Variants in NUAK1 observed in about 807,000 individuals in gnomAD.
NUAK1 encodes the protein NUAK family SNF1-like kinase 1.
In NUAK1, 26 loss-of-function variants were observed where a neutral mutation model predicts 56.9. The observed-to-expected ratio is 0.46, with a 90% CI of 0.33 to 0.63. The LOEUF (loss-of-function observed/expected upper bound fraction) is 0.63, where lower values mean the gene tolerates loss of function less well. NUAK1 is among the 30% of genes least tolerant of loss of function. The pLI is 0.02. For missense variants in NUAK1, 727 were observed against 876.1 expected, an observed-to-expected ratio of 0.83 and a Z score of 2.15; for synonymous variants, 337 against 336.0, an observed-to-expected ratio of 1.00 and a Z score of -0.03.
intron 1 of NUAK1, among the ~76,000 whole-genome samples, chr12:106,130,408 G>T (rs1328507066): frequency 6.6e-6 from 1 of 152,198 alleles, no homozygotes; most frequent in Non-Finnish European, 1.5e-5. Context: ...TCCTCTGAAA[G>T]TCCCTATGGT....
intron 4 of NUAK1, among the ~76,000 whole-genome samples, chr12:106,082,953 G>C (rs1027135028): frequency 9.2e-5 from 14 of 152,158 alleles, no homozygotes; most frequent in African/African-American, 1.7e-4. Flanking sequence ...GAGTACTAAG[G>C]CCGTTTCATA....
chr12:106,137,086 G>A (rs983872175), intron 1 of NUAK1, among the ~76,000 whole-genome samples: 1 of 152,078 alleles, frequency 6.6e-6, no homozygotes, highest in Non-Finnish European at 1.5e-5. Context: ...AACGTTATGG[G>A]ACGAAGTTAT....
At chr12:106,097,232 G>C (rs1199560274) in intron 2 of NUAK1, among the ~76,000 whole-genome samples, 1 of 152,192 alleles carries the variant, frequency 6.6e-6, no homozygotes, top group East Asian at 1.9e-4. Context: ...GCAGTAACTA[G>C]CAGTGCAATT....
chr12:106,103,937 C>T (rs2032774001), intron 2 of NUAK1, among the ~76,000 whole-genome samples: 2 of 152,182 alleles, frequency 1.3e-5, no homozygotes, highest in African/African-American at 4.8e-5. Flanking sequence ...GCCTCCCCAG[C>T]CTTGCAGAAC....
In NUAK1 at chr12:106,066,548, G is replaced by A; in HGVS notation, c.*254C>T. On this transcript the variant is annotated 3_prime_UTR_variant, in exon 7 of 7. Coordinates refer to ENST00000261402, the MANE Select transcript of NUAK1 (RefSeq NM_014840.3). ...TCAATACCACCTCCCCTGGACAGCTGGTCCTCTAGGAGGTGCCATAAAGCA... is the reference window on the plus strand; with the variant it reads ...TCAATACCACCTCCCCTGGACAGCTAGTCCTCTAGGAGGTGCCATAAAGCA... The A allele has an allele frequency of 3.8e-6, 2 of 526,604 alleles. No individual in the cohort carries two copies. The highest frequency in any genetic ancestry group is 2.4e-5 in the South Asian group (1 of 41,788). 32.6% of individuals were successfully genotyped at this position (526,604 alleles called of 1,614,324 possible). A position where few individuals can be genotyped will look rare whatever the true frequency, so the allele number is the denominator to read the frequency against.
chr12:106,082,241 T>C (rs1592850642), intron 4 of NUAK1, among the ~76,000 whole-genome samples: 1 of 152,238 alleles, frequency 6.6e-6, no homozygotes, highest in African/African-American at 2.4e-5. Flanking sequence ...AACTGGCAAC[T>C]CTTGACAGAT....
At position 106,086,900 on chromosome 12, in the gene NUAK1, CAG is replaced by C. The variant is rs1565921109; in HGVS notation, c.362-17_362-16del. On this transcript the variant is annotated splice_polypyrimidine_tract_variant and intron_variant, in intron 2 of 6. Coordinates refer to ENST00000261402, the MANE Select transcript of NUAK1 (RefSeq NM_014840.3). The stretch of plus-strand genomic sequence containing the variant: ...GTTCTCAAACACTGCAGAGGGAAAA[CAG>C]CAATACACAAACACCCCGTTTAGCC... The C allele has an allele frequency of 6.2e-7, 1 of 1,605,484 alleles. No homozygotes were observed. Among genetic ancestry groups the C allele is most frequent in the South Asian group, 1.1e-5 (1 of 90,690 alleles).
At chr12:106,087,593 C>T (rs1291308137) in intron 2 of NUAK1, among the ~76,000 whole-genome samples, 1 of 152,202 alleles carries the variant, frequency 6.6e-6, no homozygotes, top group Non-Finnish European at 1.5e-5. Flanking sequence ...TACATAAAGG[C>T]ATTTCTGAAC....
At chr12:106,124,309 A>T (rs2033005537) in intron 1 of NUAK1, among the ~76,000 whole-genome samples, 1 of 152,140 alleles carries the variant, frequency 6.6e-6, no homozygotes, top group Admixed American at 6.5e-5. Context: ...TTTCCTGGAA[A>T]ATTTGATTTT....
intron 1 of NUAK1, among the ~76,000 whole-genome samples, chr12:106,111,624 G>C (rs987647167): frequency 1.3e-5 from 2 of 151,800 alleles, no homozygotes; most frequent in Non-Finnish European, 2.9e-5. Context: ...CCATAGGTCT[G>C]GGTATCCAGC....
intron 1 of NUAK1, among the ~76,000 whole-genome samples, chr12:106,136,719 T>C (rs996751368): frequency 6.6e-6 from 1 of 152,248 alleles, no homozygotes; most frequent in African/African-American, 2.4e-5. Context: ...TTTTTCATTA[T>C]TCTGCTTCCC....
Position 106,067,775 on chromosome 12 carries a change from G to C in NUAK1, c.1013C>G (p.Ser338Cys), listed in dbSNP as rs746793160. 6.2e-6 allele frequency: 10 copies of C among 1,614,200 alleles called. No homozygotes were observed. Among genetic ancestry groups the C allele is most frequent in the African/African-American group, 1.3e-5 (1 of 75,044 alleles). The change falls in exon 7 of 7, where the codon TCC becomes TGC. Residue 338 changes from serine to cysteine, a missense_variant. Physicochemically the swap from Ser to Cys is moderately radical, Grantham distance 112. Transcript: ENST00000261402. The surrounding 1 kb of genome is among the most constrained non-coding windows in gnomAD (Gnocchi z 6.0). Reference protein sequence around the residue: ...LARIIDWHHRSTGLQADTEAK... With the variant: ...LARIIDWHHRCTGLQADTEAK... ...TTCGGTGTCAGCCTGCAGCCCTGTG[G>C]AACGGTGGTGCCAGTCAATGATCCG...
At position 106,083,892 on chromosome 12, in the gene NUAK1, A is replaced by G. The variant is rs1324739837; in HGVS notation, c.551T>C (p.Ile184Thr). ...AATATTGCAGTTGTCATCGAGCAGT[A>G]TATTTTCCAGCTTCAAGTCCCGGTG... ...VVHRDLKLENILLDDNCNIKI... is the reference protein window; with the variant it reads ...VVHRDLKLENTLLDDNCNIKI... Residue 184 changes from isoleucine (I) to threonine (T), a missense_variant, in exon 4 of 7, where the codon ATA becomes ACA. Ile to Thr is a moderately conservative substitution (Grantham distance 89, BLOSUM62 -1). Coordinates refer to ENST00000261402, the MANE Select transcript of NUAK1 (RefSeq NM_014840.3). 3.1e-6 allele frequency: 5 copies of G among 1,614,200 alleles called. No homozygotes were observed. Among genetic ancestry groups the G allele is most frequent in the Non-Finnish European group, 3.4e-6 (4 of 1,180,028 alleles).
chr12:106,092,585 A>G (rs2032647164), intron 2 of NUAK1, among the ~76,000 whole-genome samples: 1 of 152,174 alleles, frequency 6.6e-6, no homozygotes, highest in Non-Finnish European at 1.5e-5. Context: ...CAATGTCGTC[A>G]AAGATTGTTC....
At chr12:106,092,897 T>G (rs2032650947) in intron 2 of NUAK1, among the ~76,000 whole-genome samples, 1 of 152,208 alleles carries the variant, frequency 6.6e-6, no homozygotes, top group African/African-American at 2.4e-5. Flanking sequence ...AGGTTCTCCT[T>G]CATTAAATGG....
At chr12:106,089,727 T>C (rs570386473) in intron 2 of NUAK1, among the ~76,000 whole-genome samples, 2 of 151,418 alleles carry the variant, frequency 1.3e-5, no homozygotes, top group Non-Finnish European at 1.5e-5. Context: ...AGGTGGAGGT[T>C]GCAGTGAGCC....
rs73397125 is a variant in NUAK1, at chr12:106,082,090, T to C, written c.579+1774A>G. ...ATAGTAACAGTTAAGCATGAATTGC[T>C]TTGATTGTAGTATTGTCTAAAATCT... is the stretch of plus-strand genomic sequence containing the variant. On this transcript the variant is annotated intron_variant, in intron 4 of 6. Transcript: ENST00000261402. Among the ~76,000 whole-genome samples the C allele has an allele frequency of 8.6e-3, 1,306 of 152,344 alleles. 17 individuals are homozygous for C. The highest frequency in any genetic ancestry group is 0.026 in the African/African-American group (1,089 of 41,570).
intron 1 of NUAK1, among the ~76,000 whole-genome samples, chr12:106,124,758 C>T (rs1323497672): frequency 6.6e-6 from 1 of 152,022 alleles, no homozygotes; most frequent in Non-Finnish European, 1.5e-5. Context: ...GACTGTAACC[C>T]CAGCACTACA....
intron 1 of NUAK1, among the ~76,000 whole-genome samples, chr12:106,133,527 G>C (rs1183231930): frequency 6.6e-6 from 1 of 152,146 alleles, no homozygotes; most frequent in Non-Finnish European, 1.5e-5. Context: ...CCATCCAGCT[G>C]TCTGACCCTT....
Sources: allele counts gnomAD v4.1 joint callset (sites outside exome capture counted in the v4.1 genomes callset), GRCh38; gene constraint gnomAD v4.1.1; non-coding constraint Gnocchi (gnomAD v3.1); transcripts MANE v1.5; gene names NCBI Gene and HGNC (gene_info 2026-07-23, HGNC 2026-07-21).